The following MALRD1 variants were observed in gnomAD, a reference collection of about 807,000 sequenced individuals.
The protein encoded by MALRD1 is MAM and LDL-receptor class A domain-containing protein 1.
Under a neutral mutation model 242.1 loss-of-function variants are expected in MALRD1, and 247 were observed. The observed-to-expected ratio is 1.02, with a 90% CI of 0.92 to 1.13. MALRD1 has a LOEUF of 1.13. MALRD1 is among the 50% of genes most tolerant of loss of function. MALRD1 has a pLI of 0.00. For synonymous variants in MALRD1, 995 were observed against 866.6 expected, an observed-to-expected ratio of 1.15 and a Z score of -2.60; for missense variants, 2,989 against 2,533.1, an observed-to-expected ratio of 1.18 and a Z score of -3.86.
intron 1 of MALRD1, among the ~76,000 whole-genome samples, chr10:19,049,534 ATTGG>A (rs1011700319): frequency 6.6e-6 from 1 of 152,182 alleles, no homozygotes; most frequent in African/African-American, 2.4e-5. Context: ...TGAATTTTAG[ATTGG>A]TTGGGTAGAT....
rs1423358528 is a variant in MALRD1, at chr10:19,585,682, G to A, written c.5681-9512G>A. 2.6e-5 allele frequency among the ~76,000 whole-genome samples: 4 copies of A among 152,020 alleles called. No homozygotes were observed. In the South Asian group the frequency reaches 6.2e-4, roughly 24 times the overall value. On this transcript the variant is annotated intron_variant, in intron 33 of 39. Transcript: ENST00000454679. ...CATTTTTTCCTTCATTTCAACTTTG[G>A]TGAATCTGACAATTATGTGTCTTGG... is the stretch of plus-strand genomic sequence containing the variant.
chr10:19,340,208 A>C (rs1274397314), intron 24 of MALRD1, among the ~76,000 whole-genome samples: 1 of 152,146 alleles, frequency 6.6e-6, no homozygotes, highest in Non-Finnish European at 1.5e-5. Flanking sequence ...ATGCCTTGAG[A>C]AATAATCACA....
At position 19,534,990 on chromosome 10, in the gene MALRD1, A is replaced by G. The variant is rs574093905; in HGVS notation, c.5478+3639A>G. 7.5e-3 allele frequency among the ~76,000 whole-genome samples: 1,142 copies of G among 152,218 alleles called. 10 individuals carry two copies. Among genetic ancestry groups the G allele is most frequent in the Non-Finnish European group, 0.012 (822 of 68,012 alleles). On this transcript the variant is annotated intron_variant, in intron 32 of 39. Transcript: ENST00000454679. ...AACCTCCGCCTCCCTGGTTCAAGCG[A>G]TTCTCCTGCCTCAGCTTCCGGAGTA...
chr10:19,194,808 T>G (rs916662265), intron 14 of MALRD1, among the ~76,000 whole-genome samples: 2 of 152,184 alleles, frequency 1.3e-5, no homozygotes, highest in Non-Finnish European at 2.9e-5. Context: ...CATTCAGGCT[T>G]TTTCCCCTGT....
chr10:19,053,592 GT>G lies in MALRD1; in HGVS notation c.199+4463del, dbSNP rs983660925. ...TAAAAGCAGTTCATTGTGTACCAAAGTTTTTTTTGTTTTTTTAGTATTTGTG... is the reference window on the plus strand; with the variant it reads ...TAAAAGCAGTTCATTGTGTACCAAAGTTTTTTTGTTTTTTTAGTATTTGTG... On this transcript the variant is annotated intron_variant, in intron 1 of 39. Coordinates refer to ENST00000454679, the MANE Select transcript of MALRD1 (RefSeq NM_001142308.3). 3.6e-4 allele frequency among the ~76,000 whole-genome samples: 55 copies of G among 151,958 alleles called. 1 individual carries two copies. The highest frequency in any genetic ancestry group is 3.5e-3 in the Admixed American group (54 of 15,254).
At chr10:19,371,314 C>A (rs977232540) in intron 26 of MALRD1, among the ~76,000 whole-genome samples, 2 of 152,026 alleles carry the variant, frequency 1.3e-5, no homozygotes, top group Non-Finnish European at 2.9e-5. Flanking sequence ...GGAAAGCCAC[C>A]TTTCTCCATG....
intron 38 of MALRD1, among the ~76,000 whole-genome samples, chr10:19,693,119 T>C (rs566055676): frequency 6.6e-6 from 1 of 151,980 alleles, no homozygotes; most frequent in Non-Finnish European, 1.5e-5. Context: ...GCCAATATCA[T>C]ACTGAATGGG....
At chr10:19,588,772 A>C in intron 33 of MALRD1, among the ~76,000 whole-genome samples, 1 of 152,146 alleles carries the variant, frequency 6.6e-6, no homozygotes, top group East Asian at 1.9e-4. Flanking sequence ...CCTTCCAAGT[A>C]GCTGGGATTA....
intron 36 of MALRD1, among the ~76,000 whole-genome samples, chr10:19,623,113 A>G (rs1839477676): frequency 2.0e-5 from 3 of 152,048 alleles, no homozygotes; most frequent in Admixed American, 2.0e-4. Context: ...TCAATGACTC[A>G]AATGCAATTG....
intron 33 of MALRD1, among the ~76,000 whole-genome samples, chr10:19,585,156 T>C (rs1048390613): frequency 2.0e-5 from 3 of 152,210 alleles, no homozygotes; most frequent in Admixed American, 2.0e-4. Flanking sequence ...TACAGCACAC[T>C]GATGGGTCTT....
At chr10:19,605,149 A>AT (rs1278574708) in intron 34 of MALRD1, among the ~76,000 whole-genome samples, 4 of 135,654 alleles carry the variant, frequency 2.9e-5, no homozygotes, top group Non-Finnish European at 4.7e-5. Flanking sequence ...AGATTTATTT[A>AT]TTTTTTTATT....
chr10:19,247,860 A>G (rs1839132639), intron 18 of MALRD1, among the ~76,000 whole-genome samples: 1 of 152,076 alleles, frequency 6.6e-6, no homozygotes, highest in Admixed American at 6.6e-5. Flanking sequence ...AATTTAACAT[A>G]ATTTAATTGA....
intron 14 of MALRD1, among the ~76,000 whole-genome samples, chr10:19,184,596 T>A (rs977710709): frequency 1.3e-5 from 2 of 152,322 alleles, no homozygotes; most frequent in South Asian, 2.1e-4. Flanking sequence ...TTGCCCAGGC[T>A]GGGGTGCAGT....
chr10:19,190,658 A>AT (rs35922631), intron 14 of MALRD1, among the ~76,000 whole-genome samples: 244 of 145,154 alleles, frequency 1.7e-3, no homozygotes, highest in Middle Eastern at 7.2e-3. Flanking sequence ...TGAACAAGTG[A>AT]TTTTTTTTTT....
rs547782645 is a variant in MALRD1 at position 19,660,576 on chromosome 10, T to A, written c.6138-31706T>A. On this transcript the variant is annotated intron_variant, in intron 36 of 39. Coordinates refer to ENST00000454679, the MANE Select transcript of MALRD1 (RefSeq NM_001142308.3). ...AGTACCTTATGCACTACCTTCACCTTTCTCCATGTGAAAAGTAGTTTTGTT... is the reference window on the plus strand; with the variant it reads ...AGTACCTTATGCACTACCTTCACCTATCTCCATGTGAAAAGTAGTTTTGTT... Among the ~76,000 whole-genome samples, 4 of 152,294 alleles carry A rather than the reference T, an allele frequency of 2.6e-5. No homozygotes were observed. The South Asian group carries it at 8.3e-4, about 32-fold the overall frequency.
chr10:19,720,114 G>A (rs745582626), intron 38 of MALRD1, among the ~76,000 whole-genome samples: 1 of 152,022 alleles, frequency 6.6e-6, no homozygotes, highest in Admixed American at 6.6e-5. Flanking sequence ...TATAAGCTTG[G>A]TGTTGACTAT....
intron 5 of MALRD1, among the ~76,000 whole-genome samples, chr10:19,108,759 T>A (rs886423503): frequency 1.3e-5 from 2 of 152,206 alleles, no homozygotes; most frequent in Non-Finnish European, 2.9e-5. Flanking sequence ...CTCTTTTATC[T>A]CATTGAGTTA....
At chr10:19,315,950 C>A (rs905636185) in intron 21 of MALRD1, among the ~76,000 whole-genome samples, 1 of 149,518 alleles carries the variant, frequency 6.7e-6, no homozygotes, top group African/African-American at 2.4e-5. Context: ...AATTCATATA[C>A]CTATGAATTT....
intron 14 of MALRD1, among the ~76,000 whole-genome samples, chr10:19,199,574 G>T (rs946797068): frequency 2.0e-5 from 3 of 152,150 alleles, no homozygotes; most frequent in African/African-American, 7.2e-5. Context: ...GCCCAGGCGG[G>T]TGGATCACTT....
Sources: allele counts gnomAD v4.1 joint callset (sites outside exome capture counted in the v4.1 genomes callset), GRCh38; gene constraint gnomAD v4.1.1; transcripts MANE v1.5; gene names NCBI Gene and HGNC (gene_info 2026-07-23, HGNC 2026-07-21).